TRIM24: variants seen among roughly 807,000 people sequenced by gnomAD.
The protein encoded by TRIM24 is transcription intermediary factor 1-alpha.
TRIM24 carries 29 observed loss-of-function variants against 123.9 expected under a neutral mutation model. The ratio of observed to expected loss-of-function variants is 0.23; its 90% CI spans 0.17 to 0.32. TRIM24 has a LOEUF of 0.32. TRIM24 is among the 10% of genes least tolerant of loss of function. TRIM24 has a pLI of 1.00. For synonymous variants in TRIM24, 456 were observed against 461.1 expected (o/e 0.99, Z 0.14); for missense variants, 932 against 1,295.3 (o/e 0.72, Z 4.31).
intron 5 of TRIM24, among the ~76,000 whole-genome samples, chr7:138,526,970 A>G (rs1235033254): frequency 6.6e-6 from 1 of 152,118 alleles, no homozygotes; most frequent in Non-Finnish European, 1.5e-5. Flanking sequence ...TCTGCCCTTA[A>G]TGAAATTTAT....
At chr7:138,501,893 A>AAAAC (rs201804210) in intron 1 of TRIM24, among the ~76,000 whole-genome samples, 1,955 of 149,590 alleles carry the variant, frequency 0.013, 43 homozygotes, top group African/African-American at 0.046. Flanking sequence ...GTCTCAAAAA[A>AAAAC]AAAAACCAGT....
At chr7:138,583,437 T>C (rs1797945548) in intron 17 of TRIM24, among the ~76,000 whole-genome samples, 1 of 152,102 alleles carries the variant, frequency 6.6e-6, no homozygotes, top group Non-Finnish European at 1.5e-5. Flanking sequence ...CTGGGCAACA[T>C]GGCAAAACCC....
In TRIM24 at chr7:138,585,769, A is replaced by G. The variant is rs925655826; in HGVS notation, c.*818A>G. 1.9e-6 allele frequency: 1 copy of G among 521,724 alleles called. No homozygotes were observed. The highest frequency in any genetic ancestry group is 2.0e-5 in the Admixed American group (1 of 51,268). 32.3% of individuals were successfully genotyped at this position (521,724 alleles called of 1,614,324 possible). A position where few individuals can be genotyped will look rare whatever the true frequency, so the allele number is the denominator to read the frequency against. On this transcript the variant is annotated 3_prime_UTR_variant, in exon 19 of 19. Coordinates refer to ENST00000343526, the MANE Select transcript of TRIM24 (RefSeq NM_015905.3). Reference sequence around the variant, plus strand: ...GTTTAATTGTACAGGTGATCCTTTTACAACAAGCCTCATTGTTTGCAGTAT... The same window carrying G: ...GTTTAATTGTACAGGTGATCCTTTTGCAACAAGCCTCATTGTTTGCAGTAT...
At chr7:138,573,121 G>A (rs991884804) in intron 11 of TRIM24, among the ~76,000 whole-genome samples, 6 of 152,184 alleles carry the variant, frequency 3.9e-5, no homozygotes, top group Non-Finnish European at 5.9e-5. Flanking sequence ...TAGATTGAAT[G>A]CTGTTTAGGG....
At chr7:138,543,048 A>G (rs1380354223) in intron 7 of TRIM24, among the ~76,000 whole-genome samples, 1 of 152,216 alleles carries the variant, frequency 6.6e-6, no homozygotes, top group East Asian at 1.9e-4. Flanking sequence ...ATCCATCATG[A>G]GTATGTATGT....
chr7:138,479,798 G>A (rs111530832), intron 1 of TRIM24, among the ~76,000 whole-genome samples: 30 of 151,528 alleles, frequency 2.0e-4, no homozygotes, highest in African/African-American at 6.8e-4. Flanking sequence ...GTGCCACTGC[G>A]CCCGGCATTT....
At chr7:138,496,031 A>G (rs1795899089) in intron 1 of TRIM24, among the ~76,000 whole-genome samples, 1 of 152,228 alleles carries the variant, frequency 6.6e-6, no homozygotes, top group Non-Finnish European at 1.5e-5. Flanking sequence ...ATCAAGTAGC[A>G]TAAGTCCTCC....
intron 3 of TRIM24, among the ~76,000 whole-genome samples, chr7:138,515,870 A>C (rs1209654705): frequency 6.6e-6 from 1 of 152,230 alleles, no homozygotes; most frequent in Non-Finnish European, 1.5e-5. Flanking sequence ...TACATGCAAC[A>C]TAAAATTTGT....
At chr7:138,569,204 C>A (rs1225100230) in intron 10 of TRIM24, among the ~76,000 whole-genome samples, 1 of 152,176 alleles carries the variant, frequency 6.6e-6, no homozygotes, top group Non-Finnish European at 1.5e-5. Context: ...TATATACAAG[C>A]ACCTAGCACA....
chr7:138,585,942 G>A lies in TRIM24; in HGVS notation c.*991G>A. The A allele has an allele frequency of 1.9e-6, 1 of 514,464 alleles. No homozygotes were observed. Among genetic ancestry groups the A allele is most frequent in the Admixed American group, 1.9e-5 (1 of 51,406 alleles). 31.9% of individuals were successfully genotyped at this position (514,464 alleles called of 1,614,324 possible). On this transcript the variant is annotated 3_prime_UTR_variant, in exon 19 of 19. Transcript: ENST00000343526. ...TGTGGTTTTCATCTGTCTATAATTT[G>A]GAATGAAAATGTGTTGTAGGATTTT... is the stretch of plus-strand genomic sequence containing the variant.
chr7:138,460,901 T>A lies in TRIM24; in HGVS notation c.353T>A (p.Phe118Tyr), dbSNP rs775651648. 1 of 1,505,222 alleles carries A rather than the reference T, an allele frequency of 6.6e-7. No individual in the cohort carries two copies. Among genetic ancestry groups the A allele is most frequent in the Non-Finnish European group, 8.8e-7 (1 of 1,135,630 alleles). The allele number at this position is 1,505,222 out of a possible 1,614,324, so 93.2% of individuals were successfully genotyped here. The stretch of plus-strand genomic sequence containing the variant: ...TCGCCGGTCAGCGGCTCGTCGCCGT[T>A]CGCCACCCAAGGTGAGAACCGGCCG... ...PGSPVSGSSP[F>Y]ATQVGVIRCP... The change falls in exon 1 of 19, where the codon TTC becomes TAC. Residue 118 changes from phenylalanine (F) to tyrosine (Y), a missense_variant. Phe to Tyr is a conservative substitution (Grantham distance 22, BLOSUM62 3). Around this residue, in one of 7 missense-constraint regions of TRIM24, gnomAD observed 164 missense variants for 181.9 expected, o/e 0.90. Coordinates refer to ENST00000343526, the MANE Select transcript of TRIM24 (RefSeq NM_015905.3).
chr7:138,477,616 A>G (rs1357914697), intron 1 of TRIM24, among the ~76,000 whole-genome samples: 1 of 152,206 alleles, frequency 6.6e-6, no homozygotes, highest in Non-Finnish European at 1.5e-5. Context: ...CATTCCTAGT[A>G]TGCTATATTG....
intron 4 of TRIM24, among the ~76,000 whole-genome samples, chr7:138,522,123 T>C (rs530671456): frequency 6.6e-6 from 1 of 151,702 alleles, no homozygotes; most frequent in African/African-American, 2.4e-5. Flanking sequence ...AAAAAATAAG[T>C]AAGTAAGTAA....
Position 138,585,782 on chromosome 7 carries a change from T to C in TRIM24, c.*831T>C, listed in dbSNP as rs768328119. On this transcript the variant is annotated 3_prime_UTR_variant, in exon 19 of 19. Coordinates refer to ENST00000343526, the MANE Select transcript of TRIM24 (RefSeq NM_015905.3). ...GGTGATCCTTTTACAACAAGCCTCA[T>C]TGTTTGCAGTATAGCTTTTAGTGGA... 16 of 521,882 alleles carry C rather than the reference T, an allele frequency of 3.1e-5. No individual in the cohort carries two copies. The highest frequency in any genetic ancestry group is 2.1e-4 in the South Asian group (15 of 71,338). 32.3% of individuals were successfully genotyped at this position (521,882 alleles called of 1,614,324 possible). A position where few individuals can be genotyped will look rare whatever the true frequency, so the allele number is the denominator to read the frequency against.
chr7:138,538,804 G>A lies in TRIM24; in HGVS notation c.1143+1G>A, dbSNP rs1186052300. 1 of 1,613,296 alleles carries A rather than the reference G, an allele frequency of 6.2e-7. No individual in the cohort carries two copies. Among genetic ancestry groups the A allele is most frequent in the Non-Finnish European group, 8.5e-7 (1 of 1,179,586 alleles). ...AGCATTACTTTATAGCAAACGACTGGTAAGATAAAGTATGCTATTTAATAT... is the reference window on the plus strand; with the variant it reads ...AGCATTACTTTATAGCAAACGACTGATAAGATAAAGTATGCTATTTAATAT... On this transcript the variant is annotated splice_donor_variant, in intron 7 of 18. Transcript: ENST00000343526. LOFTEE classifies it high-confidence loss of function.
chr7:138,472,481 C>G (rs1795292803), intron 1 of TRIM24, among the ~76,000 whole-genome samples: 1 of 152,092 alleles, frequency 6.6e-6, no homozygotes, highest in South Asian at 2.1e-4. Flanking sequence ...CTGAGCCCCC[C>G]ACTGATTTCT....
chr7:138,547,268 C>T (rs1372509426), intron 7 of TRIM24, among the ~76,000 whole-genome samples: 1 of 152,092 alleles, frequency 6.6e-6, no homozygotes, highest in African/African-American at 2.4e-5. Context: ...GGATGTTGAT[C>T]AAAGGCTGCA....
chr7:138,580,491 G>T, intron 15 of TRIM24, 71 bp from the exon 16 acceptor site: 1 of 1,536,460 alleles, frequency 6.5e-7, no homozygotes, highest in Middle Eastern at 1.7e-4. Flanking sequence ...TCATGGAGGA[G>T]GTGGGAAAGG....
chr7:138,585,969 G>A lies in TRIM24; in HGVS notation c.*1018G>A, dbSNP rs771544525. ...AATGAAAATGTGTTGTAGGATTTTG[G>A]GAGCAGGCAGCTGGGGGGAATTAAT... On this transcript the variant is annotated 3_prime_UTR_variant, in exon 19 of 19. Coordinates refer to ENST00000343526, the MANE Select transcript of TRIM24 (RefSeq NM_015905.3). The A allele has an allele frequency of 2.0e-6, 1 of 501,964 alleles. No individual in the cohort carries two copies. The highest frequency in any genetic ancestry group is 1.4e-5 in the South Asian group (1 of 69,548). The allele number at this position is 501,964 out of a possible 1,614,324, so 31.1% of individuals were successfully genotyped here. A position where few individuals can be genotyped will look rare whatever the true frequency, so the allele number is the denominator to read the frequency against.
Sources: gnomAD v4.1 joint callset for allele counts (sites outside exome capture counted in the v4.1 genomes callset) on GRCh38, gnomAD v4.1.1 for gene constraint, gnomAD v4.1.1 regional missense constraint, MANE v1.5 for transcripts, NCBI Gene and HGNC (gene_info 2026-07-23, HGNC 2026-07-21) for gene names.